GTPBP10: variants seen among roughly 807,000 people sequenced by gnomAD.
GTPBP10 encodes the protein GTP-binding protein 10.
Under a neutral mutation model 44.8 loss-of-function variants are expected in GTPBP10, and 38 were observed. The observed-to-expected ratio is 0.85, with a 90% CI of 0.65 to 1.11. GTPBP10 has a LOEUF of 1.11. GTPBP10 is among the 50% of genes most tolerant of loss of function. GTPBP10 has a pLI of 0.00. For missense variants in GTPBP10, 462 were observed against 453.7 expected (o/e 1.02, Z -0.17); for synonymous variants, 152 against 150.6 (o/e 1.01, Z -0.07).
rs547912598 is a variant in GTPBP10 at position 90,372,084 on chromosome 7, CTACTT to C, written c.465-70_465-66del. ...TTAATCCCAAATATATTCATGAAGT[CTACTT>C]GAATTGTTAGGAATTCAGAGATAAT... On this transcript the variant is annotated intron_variant, in intron 4 of 9. Transcript: ENST00000222511. 5.0e-5 allele frequency: 44 copies of C among 879,438 alleles called. 1 individual carries two copies. The highest frequency in any genetic ancestry group is 5.0e-4 in the African/African-American group (30 of 60,228). The allele number at this position is 879,438 out of a possible 1,614,324, so 54.5% of individuals were successfully genotyped here.
chr7:90,350,335 C>G (rs1401253372), intron 1 of GTPBP10, among the ~76,000 whole-genome samples: 1 of 152,120 alleles, frequency 6.6e-6, no homozygotes, highest in East Asian at 1.9e-4. Flanking sequence ...CAAGTCTTTG[C>G]TGTTGTGAAT....
chr7:90,381,870 G>T (rs1347223424), intron 8 of GTPBP10, among the ~76,000 whole-genome samples: 1 of 152,160 alleles, frequency 6.6e-6, no homozygotes, highest in African/African-American at 2.4e-5. Context: ...CACATGCAGA[G>T]AAATGAAATT....
chr7:90,380,670 T>A (rs529816319), intron 8 of GTPBP10, among the ~76,000 whole-genome samples: 36 of 152,316 alleles, frequency 2.4e-4, no homozygotes, highest in Non-Finnish European at 4.3e-4. Context: ...ATATTTAAAA[T>A]CTGTTTTAGC....
At chr7:90,378,023 G>C in intron 7 of GTPBP10, 111 bp from the exon 8 acceptor site, 1 of 1,305,768 alleles carries the variant, frequency 7.7e-7, no homozygotes, top group Admixed American at 2.7e-5. Context: ...GTAACAAGTA[G>C]AGTATAGAGA....
chr7:90,379,451 A>G (rs931259941), intron 8 of GTPBP10, among the ~76,000 whole-genome samples: 2 of 152,134 alleles, frequency 1.3e-5, no homozygotes, highest in African/African-American at 4.8e-5. Flanking sequence ...GATTTATGAA[A>G]TCTGCAAGTT....
chr7:90,363,444 A>G (rs1449084554), intron 4 of GTPBP10, among the ~76,000 whole-genome samples: 1 of 152,180 alleles, frequency 6.6e-6, no homozygotes, highest in Non-Finnish European at 1.5e-5. Context: ...CTTTTCTTTA[A>G]GAATGTTGAA....
chr7:90,368,340 TG>T (rs1472293391), intron 4 of GTPBP10, among the ~76,000 whole-genome samples: 2 of 152,212 alleles, frequency 1.3e-5, no homozygotes, highest in Admixed American at 6.5e-5. Context: ...TTTGCTAGGT[TG>T]GGGAAGTTCT....
At chr7:90,373,067 G>C (rs904397269) in intron 5 of GTPBP10, among the ~76,000 whole-genome samples, 2 of 152,088 alleles carry the variant, frequency 1.3e-5, no homozygotes, top group Admixed American at 6.6e-5. Context: ...GAGGGTGAAG[G>C]GTCTTTAATC....
chr7:90,363,214 G>A lies in GTPBP10; in HGVS notation c.464+7984G>A, dbSNP rs554858199. 2.7e-4 allele frequency among the ~76,000 whole-genome samples: 41 copies of A among 152,208 alleles called. No homozygotes were observed. The South Asian group carries it at 2.7e-3, about 10-fold the overall frequency. ...GGTTATTTTGCTCGTTAGTTGATGCGGTTTGTTCCTAGCGTTGGTGGTCTT... is the reference window on the plus strand; with the variant it reads ...GGTTATTTTGCTCGTTAGTTGATGCAGTTTGTTCCTAGCGTTGGTGGTCTT... On this transcript the variant is annotated intron_variant, in intron 4 of 9. Coordinates refer to ENST00000222511, the MANE Select transcript of GTPBP10 (RefSeq NM_033107.4).
At chr7:90,357,194 T>C (rs1272166318) in intron 4 of GTPBP10, among the ~76,000 whole-genome samples, 2 of 152,198 alleles carry the variant, frequency 1.3e-5, no homozygotes, top group South Asian at 4.1e-4. Flanking sequence ...CTGGGTACTT[T>C]TCAAGAAAAA....
At chr7:90,377,712 A>G in intron 7 of GTPBP10, 98 bp downstream of exon 7, 2 of 732,422 alleles carry the variant, frequency 2.7e-6, no homozygotes, top group Admixed American at 2.8e-5. Flanking sequence ...GTGGTAGCAT[A>G]TGTTACTCCA....
At chr7:90,374,233 A>T (rs1194048549) in intron 5 of GTPBP10, 69 bp from the exon 6 acceptor site, 1 of 1,022,446 alleles carries the variant, frequency 9.8e-7, no homozygotes, top group Non-Finnish European at 1.5e-6. Context: ...GCATAATACC[A>T]AGACAGTTTT....
chr7:90,369,089 T>A (rs1796198915), intron 4 of GTPBP10, among the ~76,000 whole-genome samples: 1 of 152,190 alleles, frequency 6.6e-6, no homozygotes, highest in Non-Finnish European at 1.5e-5. Flanking sequence ...GGAGGTCCAC[T>A]TCAGACCCTG....
At chr7:90,376,953 G>A (rs1309067728) in intron 6 of GTPBP10, among the ~76,000 whole-genome samples, 1 of 152,178 alleles carries the variant, frequency 6.6e-6, no homozygotes, top group Non-Finnish European at 1.5e-5. Context: ...GATTAGTGTG[G>A]TGGCTCACGC....
At chr7:90,368,235 T>C (rs190549090) in intron 4 of GTPBP10, among the ~76,000 whole-genome samples, 180 of 152,300 alleles carry the variant, frequency 1.2e-3, no homozygotes, top group Middle Eastern at 6.8e-3. Flanking sequence ...ATTTCAACTT[T>C]GGTGAATCTG....
intron 9 of GTPBP10, among the ~76,000 whole-genome samples, chr7:90,384,435 T>G (rs565925285): frequency 9.2e-5 from 14 of 152,306 alleles, no homozygotes; most frequent in African/African-American, 3.4e-4. Context: ...TCTTCAGTTT[T>G]TGTATGGATC....
At chr7:90,364,707 T>C (rs2115683597) in intron 4 of GTPBP10, among the ~76,000 whole-genome samples, 2 of 152,308 alleles carry the variant, frequency 1.3e-5, no homozygotes, top group Middle Eastern at 3.4e-3. Context: ...TGCCTTTTGT[T>C]TGGCTATGCC....
chr7:90,377,494 A>G lies in GTPBP10; in HGVS notation c.592-13A>G. On this transcript the variant is annotated splice_polypyrimidine_tract_variant and intron_variant, in intron 6 of 9. Coordinates refer to ENST00000222511, the MANE Select transcript of GTPBP10 (RefSeq NM_033107.4). The stretch of plus-strand genomic sequence containing the variant: ...CATTTTCCTTTTTCATTAACCATTT[A>G]ACTTTGTATTAGATATCAGTAGCTG... The G allele has an allele frequency of 1.3e-6, 2 of 1,557,614 alleles. No individual in the cohort carries two copies. The highest frequency in any genetic ancestry group is 8.7e-7 in the Non-Finnish European group (1 of 1,143,054).
chr7:90,355,812 TC>T (rs1277376356), intron 4 of GTPBP10, among the ~76,000 whole-genome samples: 8 of 152,188 alleles, frequency 5.3e-5, no homozygotes, highest in African/African-American at 1.9e-4. Flanking sequence ...AGTGTCCTCT[TC>T]CACCAGCCTC....
Sources: allele counts gnomAD v4.1 joint callset (sites outside exome capture counted in the v4.1 genomes callset), GRCh38; gene constraint gnomAD v4.1.1; transcripts MANE v1.5; gene names NCBI Gene and HGNC (gene_info 2026-07-23, HGNC 2026-07-21).